Variants in MYH11 observed in about 807,000 individuals in gnomAD.
MYH11 encodes myosin-11.
A neutral mutation model predicts 246.6 loss-of-function variants in MYH11; 80 were observed. The ratio of observed to expected loss-of-function variants is 0.32; its 90% CI spans 0.27 to 0.39. MYH11 has a LOEUF of 0.39. Among genes scored for constraint, MYH11 ranks in the 10% least tolerant of loss-of-function variants. MYH11 has a pLI of 1.00. For synonymous variants in MYH11, 1,071 were observed against 1,015.5 expected, an observed-to-expected ratio of 1.05 and a Z score of -1.04; for missense variants, 2,158 against 2,546.8, an observed-to-expected ratio of 0.85 and a Z score of 3.29.
rs2151250312 is a variant in MYH11 at position 15,741,482 on chromosome 16, T to G, written c.2840A>C (p.Lys947Thr). The G allele has an allele frequency of 6.2e-7, 1 of 1,608,584 alleles. No individual in the cohort carries two copies. The highest frequency in any genetic ancestry group is 2.2e-5 in the East Asian group (1 of 44,882). ...CCTTACCAGCATCTGCTGGGCCATC[T>G]TCTTCCTTTCAGCCTGTAGCTGCTG... ...RGQQLQAERK[K>T]MAQQMLDLEE... Residue 947 changes from lysine (K) to threonine (T), a missense_variant, in exon 22 of 41, where the codon AAG becomes ACG. Physicochemically the swap from Lys to Thr is moderately conservative, Grantham distance 78. This residue lies in a region of MYH11 where 284 missense variants were observed against 315.4 expected (regional missense o/e 0.90). Coordinates refer to ENST00000300036, the MANE Select transcript of MYH11 (RefSeq NM_002474.3).
intron 28 of MYH11, 117 bp downstream of exon 28, chr16:15,726,731 A>G: frequency 8.3e-7 from 1 of 1,201,728 alleles, no homozygotes; most frequent in Non-Finnish European, 1.2e-6. Context: ...GAACGCAACT[A>G]GAGGAAAGGA....
At chr16:15,856,680 G>A (rs918550214) in intron 1 of MYH11, among the ~76,000 whole-genome samples, 1 of 151,756 alleles carries the variant, frequency 6.6e-6, no homozygotes. Context: ...GTTGGGTCCA[G>A]GCATTGATAT....
intron 3 of MYH11, among the ~76,000 whole-genome samples, chr16:15,820,620 G>C (rs1253337867): frequency 6.6e-6 from 1 of 152,128 alleles, no homozygotes; most frequent in Non-Finnish European, 1.5e-5. Flanking sequence ...GAAAACTGGT[G>C]ACCCATCAAA....
At chr16:15,808,794 GA>G (rs1301982840) in intron 3 of MYH11, among the ~76,000 whole-genome samples, 1 of 152,194 alleles carries the variant, frequency 6.6e-6, no homozygotes, top group African/African-American at 2.4e-5. Flanking sequence ...TTGGAAGGCT[GA>G]GGCAGGAAAA....
rs139462998 is a variant in MYH11 at position 15,798,623 on chromosome 16, AC to A, written c.530+36del. ...GACTACAGATTAAAAAAAAAAAAAA[AC>A]AAAAAAAAAACAGAAGAAAAAGCAG... On this transcript the variant is annotated intron_variant, in intron 4 of 40. Coordinates refer to ENST00000300036, the MANE Select transcript of MYH11 (RefSeq NM_002474.3). 64,079 of 1,000,788 alleles carry A rather than the reference AC, an allele frequency of 0.064. 4,504 individuals carry two copies. The highest frequency in any genetic ancestry group is 0.3 in the African/African-American group (11,940 of 40,120). The allele number at this position is 1,000,788 out of a possible 1,614,324, so 62.0% of individuals were successfully genotyped here.
intron 1 of MYH11, among the ~76,000 whole-genome samples, chr16:15,839,525 C>T (rs971287783): frequency 6.6e-6 from 1 of 151,660 alleles, no homozygotes; most frequent in Non-Finnish European, 1.5e-5. Context: ...AGACCCCTGT[C>T]TCTACTAAAA....
intron 6 of MYH11, among the ~76,000 whole-genome samples, chr16:15,780,123 T>C (rs1243014848): frequency 6.6e-6 from 1 of 152,140 alleles, no homozygotes; most frequent in East Asian, 1.9e-4. Flanking sequence ...TTTTTAGGGA[T>C]TTGTCTTGCA....
chr16:15,792,377 C>T (rs1310351414), intron 4 of MYH11: 2 of 152,162 alleles, frequency 1.3e-5, no homozygotes, highest in Admixed American at 6.5e-5. Context: ...CCACTGCTTC[C>T]ACAGAAGTTA....
rs1365916121 is a variant in MYH11 at position 15,708,813 on chromosome 16, A to T, written c.5787-4690T>A. 2 of 1,608,746 alleles carry T rather than the reference A, an allele frequency of 1.2e-6. No individual in the cohort carries two copies. The highest frequency in any genetic ancestry group is 1.3e-5 in the African/African-American group (1 of 74,900). The stretch of plus-strand genomic sequence containing the variant: ...CTGAAGGCATGATACCTGGTGCATC[A>T]CTGCGAAGTTTCCTGTGGGGGGGGC... On this transcript the variant is annotated intron_variant, in intron 40 of 40. Coordinates refer to ENST00000300036, the MANE Select transcript of MYH11 (RefSeq NM_002474.3).
intron 5 of MYH11, among the ~76,000 whole-genome samples, chr16:15,783,889 C>A (rs1011681113): frequency 2.0e-5 from 3 of 152,048 alleles, no homozygotes; most frequent in Non-Finnish European, 4.4e-5. Context: ...CTGTAATTCT[C>A]CTTCTGATCT....
chr16:15,748,365 G>A lies in MYH11; in HGVS notation c.2059-197C>T, dbSNP rs374835312. ...TTTTCATCTCTTTGCTTCGGCAATG[G>A]CTGCCTCATGATCTCTCTGGTTCTT... On this transcript the variant is annotated intron_variant, in intron 16 of 40. Transcript: ENST00000300036. Among the ~76,000 whole-genome samples, 84 of 152,292 alleles carry A rather than the reference G, an allele frequency of 5.5e-4. 3 individuals are homozygous for A. In the South Asian group the frequency reaches 0.017, roughly 32 times the overall value.
At chr16:15,763,741 T>TCGC in intron 10 of MYH11, 55 bp downstream of exon 10, 11 of 646,858 alleles carry the variant, frequency 1.7e-5, no homozygotes, top group East Asian at 9.5e-5. Context: ...AAATGTCACC[T>TCGC]CCCCCACCCC....
rs766831176 is a variant in MYH11 at position 15,823,399 on chromosome 16, G to C, written c.358C>G (p.Leu120Val). 8.7e-6 allele frequency: 14 copies of C among 1,614,166 alleles called. No homozygotes were observed. The highest frequency in any genetic ancestry group is 1.1e-5 in the Non-Finnish European group (13 of 1,180,034). Residue 120 changes from leucine to valine, a missense_variant, in exon 3 of 41, where the codon CTC becomes GTC. Physicochemically the swap from Leu to Val is conservative, Grantham distance 32 (BLOSUM62 1). Coordinates refer to ENST00000300036, the MANE Select transcript of MYH11 (RefSeq NM_002474.3). Reference protein sequence around the residue: ...FSGLIYTYSGLFCVVVNPYKH... With the variant: ...FSGLIYTYSGVFCVVVNPYKH... ...TAGGGGTTGACCACCACGCAGAAGA[G>C]GCCAGAGTACGTCTGCAGACAGAGA...
chr16:15,712,323 T>G (rs11859486), intron 40 of MYH11, among the ~76,000 whole-genome samples: 1,791 of 152,190 alleles, frequency 0.012, 40 homozygotes, highest in African/African-American at 0.042. Context: ...GCGCCAAGAT[T>G]AGTTGAGACC....
At chr16:15,832,040 C>A (rs576048972) in intron 2 of MYH11, among the ~76,000 whole-genome samples, 1 of 152,230 alleles carries the variant, frequency 6.6e-6, no homozygotes, top group African/African-American at 2.4e-5. Flanking sequence ...CAGTGGCTGG[C>A]ACCCAGGAGG....
At chr16:15,772,248 C>T (rs750968793) in intron 8 of MYH11, among the ~76,000 whole-genome samples, 3 of 151,750 alleles carry the variant, frequency 2.0e-5, no homozygotes, top group Non-Finnish European at 4.4e-5. Flanking sequence ...CCCGCCACCA[C>T]GCCCGGCTAA....
In MYH11 at chr16:15,777,273, C is replaced by T. The variant is rs563337431; in HGVS notation, c.791-1097G>A. On this transcript the variant is annotated intron_variant, in intron 7 of 40. Transcript: ENST00000300036. ...AGTAGCTGGGACTACAGGTGCATGC[C>T]ACCACGCCTGGATAATTTTTGTATT... 1.1e-4 allele frequency among the ~76,000 whole-genome samples: 17 copies of T among 152,222 alleles called. No individual in the cohort carries two copies. In the South Asian group the frequency reaches 3.3e-3, roughly 30 times the overall value.
Position 15,771,581 on chromosome 16 carries a change from C to A in MYH11, c.1021G>T (p.Glu341Ter). The part of the protein sequence containing the change: ...EAMAIMGFSE[E>*]EQLSILKVVS... Reference sequence around the variant, plus strand: ...GTGTGAGGCTTACATAGCTGCTCCTCCTCGCTGAAACCCATGATTGCCATG... The same window carrying A: ...GTGTGAGGCTTACATAGCTGCTCCTACTCGCTGAAACCCATGATTGCCATG... The change falls in exon 9 of 41, where the codon GAG becomes TAG. Residue 341 changes from glutamate to a stop codon, truncating the protein, a stop_gained. Transcript: ENST00000300036. LOFTEE classifies it high-confidence loss of function. The A allele has an allele frequency of 6.2e-7, 1 of 1,613,960 alleles. No homozygotes were observed. The highest frequency in any genetic ancestry group is 8.5e-7 in the Non-Finnish European group (1 of 1,180,008).
At chr16:15,725,397 C>T (rs537326934) in intron 28 of MYH11, 1 of 519,338 alleles carries the variant, frequency 1.9e-6, no homozygotes, top group African/African-American at 1.9e-5. Flanking sequence ...GAAGGGAGAC[C>T]AGGATGGTAC....
Sources: gnomAD v4.1 joint callset for allele counts (sites outside exome capture counted in the v4.1 genomes callset) on GRCh38, gnomAD v4.1.1 for gene constraint, gnomAD v4.1.1 regional missense constraint, MANE v1.5 for transcripts, NCBI Gene and HGNC (gene_info 2026-07-23, HGNC 2026-07-21) for gene names.